The following MPDZ variants were observed in gnomAD, a reference collection of about 807,000 sequenced individuals.
MPDZ encodes the protein multiple PDZ domain crumbs cell polarity complex component.
A neutral mutation model predicts 239.1 loss-of-function variants in MPDZ; 234 were observed. The ratio of observed to expected loss-of-function variants is 0.98; its 90% confidence interval spans 0.88 to 1.09. The LOEUF is 1.09. Among genes scored for constraint, MPDZ ranks in the 50% least tolerant of loss-of-function variants. The pLI, the probability that MPDZ is intolerant of heterozygous loss-of-function variation, is 0.00. For synonymous variants in MPDZ, 1,048 were observed against 881.3 expected, an observed-to-expected ratio of 1.19 and a Z score of -3.35; for missense variants, 3,175 against 2,510.0, an observed-to-expected ratio of 1.26 and a Z score of -5.66.
rs957978881 is a variant in MPDZ, at chr9:13,110,194, A to G, written c.5830-130T>C. 3.5e-5 allele frequency: 24 copies of G among 677,598 alleles called. No homozygotes were observed. In the African/African-American group the frequency reaches 4.2e-4, roughly 12 times the overall value. 42.0% of individuals were successfully genotyped at this position (677,598 alleles called of 1,614,324 possible). ...TTCATTTAAACATTTCTGTTAACAT[A>G]AAATACAACCAAAGAGAATGAAATT... On this transcript the variant is annotated intron_variant, in intron 44 of 46. Transcript: ENST00000319217.
chr9:13,252,276 C>T (rs2138133207), intron 1 of MPDZ, among the ~76,000 whole-genome samples: 1 of 152,172 alleles, frequency 6.6e-6, no homozygotes, highest in South Asian at 2.1e-4. Context: ...GCAATTAAAA[C>T]ACATAAATAG....
At chr9:13,186,473 T>C (rs984069632) in intron 17 of MPDZ, 87 bp from the exon 18 acceptor site, 113 of 912,390 alleles carry the variant, frequency 1.2e-4, no homozygotes, top group Non-Finnish European at 1.8e-4. Context: ...GTAGGAAAAG[T>C]GAGGGGGGCG....
intron 12 of MPDZ, among the ~76,000 whole-genome samples, chr9:13,196,589 TTTTA>T (rs1955681567): frequency 6.6e-6 from 1 of 152,158 alleles, no homozygotes. Flanking sequence ...ATGTTCTCTG[TTTTA>T]TTTTCATTTA....
At chr9:13,132,153 G>A (rs1435892611) in intron 32 of MPDZ, among the ~76,000 whole-genome samples, 1 of 152,194 alleles carries the variant, frequency 6.6e-6, no homozygotes, top group Non-Finnish European at 1.5e-5. Context: ...AGAAAGGGAA[G>A]TACACATAAT....
chr9:13,121,826 T>C lies in MPDZ; in HGVS notation c.5144A>G (p.Tyr1715Cys). Residue 1715 changes from tyrosine to cysteine, a missense_variant, in exon 38 of 47, where the codon TAC becomes TGC. Transcript: ENST00000319217. ...GGTGTCACACACTTCCTCCTCTTTG[T>C]ATGGGGCCTCATCTCTGTAGAGTGT... ...RLTLYRDEAPYKEEEVCDTLT... is the reference protein window; with the variant it reads ...RLTLYRDEAPCKEEEVCDTLT... The C allele has an allele frequency of 6.2e-7, 1 of 1,613,960 alleles. No homozygotes were observed. The highest frequency in any genetic ancestry group is 8.5e-7 in the Non-Finnish European group (1 of 1,179,870).
In MPDZ at chr9:13,205,081, A is replaced by G; in HGVS notation, c.1501T>C (p.Leu501=). 1 of 1,457,126 alleles carries G rather than the reference A, an allele frequency of 6.9e-7. No homozygotes were observed. Among genetic ancestry groups the G allele is most frequent in the Admixed American group, 3.0e-5 (1 of 33,836 alleles). The allele number at this position is 1,457,126 out of a possible 1,614,324, so 90.3% of individuals were successfully genotyped here. ...ATGTTGGTGTTTCTCGTCGAAGATA[A>G]AAAATCTTCATCTTTTTCATAATTT... is the stretch of plus-strand genomic sequence containing the variant. The part of the protein sequence containing the change: ...KENYEKDEDF[L]SSTRNTNILP... Residue 501 remains leucine (L), a synonymous_variant, in exon 12 of 47, where the codon TTA becomes CTA. Coordinates refer to ENST00000319217, the MANE Select transcript of MPDZ (RefSeq NM_001378778.1).
intron 38 of MPDZ, chr9:13,120,637 T>G (rs1944207944): frequency 6.6e-6 from 1 of 152,222 alleles, no homozygotes; most frequent in Non-Finnish European, 1.5e-5. Context: ...TTAAAAATAA[T>G]TAGCCTTTAG....
chr9:13,124,420 C>G (rs1055333833), intron 35 of MPDZ, among the ~76,000 whole-genome samples: 1 of 152,096 alleles, frequency 6.6e-6, no homozygotes, highest in African/African-American at 2.4e-5. Flanking sequence ...GTTAAAAGAA[C>G]AGTTTGGAGG....
chr9:13,193,148 G>A lies in MPDZ; in HGVS notation c.1803+19C>T, dbSNP rs1955175662. The stretch of plus-strand genomic sequence containing the variant: ...CCATGTCTTATTTAAGGAGGAGAAG[G>A]AACAGCATAGCTCCTTACTTCCAAT... On this transcript the variant is annotated intron_variant, in intron 14 of 46. Transcript: ENST00000319217. 2.0e-6 allele frequency: 3 copies of A among 1,494,908 alleles called. No homozygotes were observed. In the African/African-American group the frequency reaches 4.2e-5, roughly 21 times the overall value. The allele number at this position is 1,494,908 out of a possible 1,614,324, so 92.6% of individuals were successfully genotyped here.
chr9:13,109,562 G>T (rs1942067754), intron 45 of MPDZ, among the ~76,000 whole-genome samples: 1 of 152,128 alleles, frequency 6.6e-6, no homozygotes, highest in African/African-American at 2.4e-5. Context: ...TTAATACTGT[G>T]AATTTTTTCA....
At chr9:13,175,725 G>C in intron 21 of MPDZ, 27 bp downstream of exon 21, 1 of 1,556,256 alleles carries the variant, frequency 6.4e-7, no homozygotes, top group Non-Finnish European at 8.7e-7. Flanking sequence ...TTGAGGAGTA[G>C]GTATATGAGG....
intron 10 of MPDZ, among the ~76,000 whole-genome samples, chr9:13,212,791 TAAAAAA>T (rs145889448): frequency 4.5e-5 from 5 of 110,590 alleles, no homozygotes; most frequent in African/African-American, 1.7e-4. Flanking sequence ...GGTCAAGGTT[TAAAAAA>T]AAAAAAAAAA....
At chr9:13,183,655 G>T in intron 18 of MPDZ, 70 bp from the exon 19 acceptor site, 1 of 1,475,200 alleles carries the variant, frequency 6.8e-7, no homozygotes. Context: ...ATCTCCACTT[G>T]AGACTAAAAG....
intron 12 of MPDZ, among the ~76,000 whole-genome samples, chr9:13,200,292 GTGTCTCCTATT>G (rs1956225717): frequency 6.6e-6 from 1 of 151,768 alleles, no homozygotes; most frequent in African/African-American, 2.4e-5. Flanking sequence ...ATCAATTATA[GTGTCTCCTATT>G]TGTCTCTGAT....
At chr9:13,111,287 T>C (rs1056172989) in intron 43 of MPDZ, among the ~76,000 whole-genome samples, 1 of 152,238 alleles carries the variant, frequency 6.6e-6, no homozygotes, top group Non-Finnish European at 1.5e-5. Flanking sequence ...GTATCTGTCC[T>C]TCCAGAAGTT....
At chr9:13,242,301 C>G (rs13296123) in intron 3 of MPDZ, among the ~76,000 whole-genome samples, 1 of 144,872 alleles carries the variant, frequency 6.9e-6, no homozygotes. Context: ...TCTGGGCTCA[C>G]CACAACCTCC....
At position 13,222,233 on chromosome 9, in the gene MPDZ, C is replaced by T. The variant is rs773630591; in HGVS notation, c.747G>A (p.Pro249=). The change falls in exon 6 of 47, where the codon CCG becomes CCA. Residue 249 remains proline, a splice_region_variant and synonymous_variant. Coordinates refer to ENST00000319217, the MANE Select transcript of MPDZ (RefSeq NM_001378778.1). Reference sequence around the variant, plus strand: ...CCTTTTGAAAATTTTAGGTACTCACCGGATTAGAGTGAGCTGAAATTGTGC... The same window carrying T: ...CCTTTTGAAAATTTTAGGTACTCACTGGATTAGAGTGAGCTGAAATTGTGC... ...AASTISAHSN[P]VHWQHMETIE... 6 of 1,607,746 alleles carry T rather than the reference C, an allele frequency of 3.7e-6. No homozygotes were observed. The highest frequency in any genetic ancestry group is 1.3e-5 in the African/African-American group (1 of 74,634).
chr9:13,145,012 A>G (rs1004852824), intron 26 of MPDZ, among the ~76,000 whole-genome samples: 2 of 152,072 alleles, frequency 1.3e-5, no homozygotes, highest in African/African-American at 4.8e-5. Context: ...TCAGAAAACA[A>G]AACTAGCAAC....
chr9:13,159,451 G>A (rs757037671), intron 23 of MPDZ, among the ~76,000 whole-genome samples: 1 of 152,128 alleles, frequency 6.6e-6, no homozygotes, highest in Non-Finnish European at 1.5e-5. Context: ...ATGTCAAAGA[G>A]TTGACAGAGA....
Sources: allele counts gnomAD v4.1 joint callset (sites outside exome capture counted in the v4.1 genomes callset), GRCh38; gene constraint gnomAD v4.1.1; transcripts MANE v1.5; gene names NCBI Gene and HGNC (gene_info 2026-07-23, HGNC 2026-07-21).